ARFIP1: variants seen among roughly 807,000 people sequenced by gnomAD.
ARFIP1 encodes arfaptin-1.
A neutral mutation model predicts 42.5 loss-of-function variants in ARFIP1; 24 were observed. That is an observed-to-expected ratio of 0.57 (90% CI 0.41 to 0.80). The LOEUF is 0.80. Among genes scored for constraint, ARFIP1 ranks in the 30% least tolerant of loss-of-function variants. ARFIP1 has a pLI of 0.00. For missense variants in ARFIP1, 354 were observed against 434.0 expected (o/e 0.82, Z 1.64); for synonymous variants, 141 against 153.7 (o/e 0.92, Z 0.61).
intron 3 of ARFIP1, among the ~76,000 whole-genome samples, chr4:152,867,996 T>C (rs993565959): frequency 2.6e-5 from 4 of 152,146 alleles, no homozygotes; most frequent in African/African-American, 7.2e-5. Flanking sequence ...ATCTGGAAAA[T>C]AGGTCTTATG....
chr4:152,794,146 A>G (rs1380297418), intron 1 of ARFIP1, among the ~76,000 whole-genome samples: 2 of 152,182 alleles, frequency 1.3e-5, no homozygotes, highest in African/African-American at 4.8e-5. Context: ...CAAGTAGGAA[A>G]TGAACATTGA....
At chr4:152,867,359 GGCGGTGCGTGCCT>G (rs2149880101) in intron 3 of ARFIP1, among the ~76,000 whole-genome samples, 1 of 152,304 alleles carries the variant, frequency 6.6e-6, no homozygotes, top group Non-Finnish European at 1.5e-5. Context: ...AGTCAGGCAT[GGCGGTGCGTGCCT>G]GCAATCGCAG....
At chr4:152,873,789 G>A (rs1403505704) in intron 5 of ARFIP1, among the ~76,000 whole-genome samples, 2 of 152,096 alleles carry the variant, frequency 1.3e-5, no homozygotes, top group South Asian at 2.1e-4. Flanking sequence ...CCTGCCTAAC[G>A]TGGGTTCGCT....
chr4:152,851,498 G>A (rs775590201), intron 2 of ARFIP1, among the ~76,000 whole-genome samples: 6 of 152,218 alleles, frequency 3.9e-5, no homozygotes, highest in Non-Finnish European at 5.9e-5. Context: ...AATGAGGCTA[G>A]AGAGATAAGT....
At chr4:152,850,783 T>A (rs762754611) in intron 2 of ARFIP1, 1 of 152,212 alleles carries the variant, frequency 6.6e-6, no homozygotes, top group Non-Finnish European at 1.5e-5. Context: ...ATGCTGACCC[T>A]GCCTTCTAAC....
At chr4:152,866,135 A>G (rs958041010) in intron 3 of ARFIP1, among the ~76,000 whole-genome samples, 5 of 152,090 alleles carry the variant, frequency 3.3e-5, no homozygotes, top group African/African-American at 9.7e-5. Flanking sequence ...CCCTTAATCC[A>G]TTTAACCCTG....
rs1183397251 is a variant in ARFIP1, at chr4:152,789,117, G to A, written c.-10+8891G>A. Among the ~76,000 whole-genome samples, 2 of 118,618 alleles carry A rather than the reference G, an allele frequency of 1.7e-5. 1 individual carries two copies. The highest frequency in any genetic ancestry group is 5.2e-4 in the East Asian group (2 of 3,844). The allele number at this position is 118,618 out of a possible 152,430, so 77.8% of individuals were successfully genotyped here. A position where few individuals can be genotyped will look rare whatever the true frequency, so the allele number is the denominator to read the frequency against. ...TTTTTTTTTTTTTTTTTGAGGTAGA[G>A]TCTCACTCTGTTGCCCAGGCTGGAG... On this transcript the variant is annotated intron_variant, in intron 1 of 8. Coordinates refer to ENST00000353617, the MANE Select transcript of ARFIP1 (RefSeq NM_001025595.3).
At chr4:152,848,903 CAT>C (rs1205790491) in intron 2 of ARFIP1, among the ~76,000 whole-genome samples, 1 of 152,186 alleles carries the variant, frequency 6.6e-6, no homozygotes, top group African/African-American at 2.4e-5. Flanking sequence ...GTTACTCACA[CAT>C]AAAAAATGTA....
At chr4:152,824,645 G>T (rs573420988) in intron 1 of ARFIP1, among the ~76,000 whole-genome samples, 1 of 152,132 alleles carries the variant, frequency 6.6e-6, no homozygotes. Context: ...AAGCATGCCC[G>T]CTTTCACTGC....
intron 2 of ARFIP1, among the ~76,000 whole-genome samples, chr4:152,843,088 A>AT (rs1349918804): frequency 6.6e-6 from 1 of 151,736 alleles, no homozygotes; most frequent in Non-Finnish European, 1.5e-5. Context: ...TGTCGTTCAG[A>AT]TTTTTTTTGT....
At chr4:152,797,665 G>A (rs1473244502) in intron 1 of ARFIP1, among the ~76,000 whole-genome samples, 1 of 152,006 alleles carries the variant, frequency 6.6e-6, no homozygotes, top group African/African-American at 2.4e-5. Flanking sequence ...TTTACACATT[G>A]TTTAGTTTAT....
intron 2 of ARFIP1, among the ~76,000 whole-genome samples, chr4:152,847,148 T>TTTTTTTTTA: frequency 2.2e-5 from 3 of 136,488 alleles, no homozygotes; most frequent in African/African-American, 2.8e-5. Flanking sequence ...TTTTTTTTTT[T>TTTTTTTTTA]GAGACAGAGT....
At chr4:152,812,605 CTGGAGCTCTAGACTTGCATTTTGAA>C (rs1729558270) in intron 1 of ARFIP1, among the ~76,000 whole-genome samples, 1 of 152,208 alleles carries the variant, frequency 6.6e-6, no homozygotes, top group Non-Finnish European at 1.5e-5. Context: ...TGTTTTCAGC[CTGGAGCTCTAGACTTGCATTTTGAA>C]ATTCCAAATG....
chr4:152,870,611 G>A, intron 3 of ARFIP1, 142 bp from the exon 4 acceptor site: 2 of 591,584 alleles, frequency 3.4e-6, no homozygotes, highest in South Asian at 5.1e-5. Flanking sequence ...GTCCTTCCCT[G>A]AAAGAAAACA....
At chr4:152,905,786 C>G (rs1376461841) in intron 8 of ARFIP1, among the ~76,000 whole-genome samples, 1 of 151,904 alleles carries the variant, frequency 6.6e-6, no homozygotes, top group Admixed American at 6.6e-5. Context: ...CTCCTGACCT[C>G]AGGTGATCCA....
At chr4:152,904,168 A>ATGTG (rs35408103) in intron 8 of ARFIP1, among the ~76,000 whole-genome samples, 1 of 132,742 alleles carries the variant, frequency 7.5e-6, no homozygotes, top group Non-Finnish European at 1.6e-5. Context: ...CTATATATAT[A>ATGTG]TGTGTGTGTG....
chr4:152,908,731 A>G (rs1460896463), intron 8 of ARFIP1, among the ~76,000 whole-genome samples: 1 of 151,992 alleles, frequency 6.6e-6, no homozygotes, highest in Non-Finnish European at 1.5e-5. Flanking sequence ...TCATACAGTG[A>G]TTTTTCTACC....
chr4:152,857,172 A>G (rs1733514884), intron 2 of ARFIP1, among the ~76,000 whole-genome samples: 2 of 152,238 alleles, frequency 1.3e-5, no homozygotes, highest in South Asian at 2.1e-4. Context: ...TCCTGTGACA[A>G]GAGGTTTTAA....
chr4:152,835,623 C>T (rs771557454), intron 2 of ARFIP1, among the ~76,000 whole-genome samples: 3 of 152,148 alleles, frequency 2.0e-5, no homozygotes, highest in African/African-American at 4.8e-5. Flanking sequence ...TCAATTCTTC[C>T]AACCTCTGCT....
Sources: gnomAD v4.1 joint callset for allele counts (sites outside exome capture counted in the v4.1 genomes callset) on GRCh38, gnomAD v4.1.1 for gene constraint, MANE v1.5 for transcripts, NCBI Gene and HGNC (gene_info 2026-07-23, HGNC 2026-07-21) for gene names.